Variants in AUP1 observed in about 807,000 individuals in gnomAD.
AUP1 encodes the protein lipid droplet-regulating VLDL assembly factor AUP1.
AUP1 carries 30 observed loss-of-function variants against 51.8 expected under a neutral mutation model. The ratio of observed to expected loss-of-function variants is 0.58; its 90% CI spans 0.43 to 0.79. The LOEUF (loss-of-function observed/expected upper bound fraction) is 0.79, where lower values mean the gene tolerates loss of function less well. AUP1 is among the 30% of genes least tolerant of loss of function. AUP1 has a pLI of 0.00. For synonymous variants in AUP1, 227 were observed against 209.0 expected, an observed-to-expected ratio of 1.09 and a Z score of -0.74; for missense variants, 492 against 517.1, an observed-to-expected ratio of 0.95 and a Z score of 0.47.
rs1675375096 is a variant in AUP1, at chr2:74,529,171, G to A, written c.300C>T (p.Phe100=). Residue 100 remains phenylalanine, a synonymous_variant, in exon 3 of 12, where the codon TTC becomes TTT. Transcript: ENST00000377526. ...RVLISNHVTP[F]DHNIVNLLTT... ...TAAGCAAATTGACTATGTTGTGGTC[G>A]AAAGGTGTCACATGGTTGGAAATGA... 6.2e-7 allele frequency: 1 copy of A among 1,614,194 alleles called. No homozygotes were observed. The highest frequency in any genetic ancestry group is 8.5e-7 in the Non-Finnish European group (1 of 1,180,026).
At chr2:74,527,385 GTC>G in intron 9 of AUP1, 22 bp from the exon 10 acceptor site, 1 of 1,613,434 alleles carries the variant, frequency 6.2e-7, no homozygotes, top group South Asian at 1.1e-5. Flanking sequence ...AGAGAAGGGA[GTC>G]CACTCCCTAC....
Position 74,527,304 on chromosome 2 carries a change from T to C in AUP1, c.1021A>G (p.Met341Val). Residue 341 changes from methionine (M) to valine (V), a missense_variant, in exon 10 of 12, where the codon ATG (methionine) becomes GTG (valine). By Grantham distance (21) the Met-to-Val change is conservative. Transcript: ENST00000377526. ...TNLLEGAVAF[M>V]PEDITKGTQS... is the part of the protein sequence containing the mutation. ...GTTCCCTTGGTGATGTCTTCAGGCA[T>C]GAAAGCTACGGCCCCCTCAAGCAGA... 6.2e-7 allele frequency: 1 copy of C among 1,614,134 alleles called. No individual in the cohort carries two copies. Among genetic ancestry groups the C allele is most frequent in the South Asian group, 1.1e-5 (1 of 91,076 alleles).
intron 6 of AUP1, 114 bp from the exon 7 acceptor site, chr2:74,528,120 T>C: frequency 6.7e-7 from 1 of 1,482,520 alleles, no homozygotes; most frequent in Non-Finnish European, 9.4e-7. Context: ...ATACTGTAAA[T>C]ACTTTGTGTT....
rs376362584 is a variant in AUP1 at position 74,529,354 on chromosome 2, G to A, written c.188+8C>T. The A allele has an allele frequency of 6.2e-7, 1 of 1,612,438 alleles. No individual in the cohort carries two copies. The highest frequency in any genetic ancestry group is 8.5e-7 in the Non-Finnish European group (1 of 1,179,254). On this transcript the variant is annotated splice_region_variant and intron_variant, in intron 2 of 11. Transcript: ENST00000377526. Reference sequence around the variant, plus strand: ...GCTCTGACACTCCCCGAACGCCCGCGTCGGAACCTGCGAAGGACGCTGTCT... The same window carrying A: ...GCTCTGACACTCCCCGAACGCCCGCATCGGAACCTGCGAAGGACGCTGTCT...
chr2:74,527,975 C>T lies in AUP1; in HGVS notation c.703G>A (p.Glu235Lys). The change falls in exon 7 of 12, where the codon GAA (glutamate) becomes AAA (lysine). Residue 235 changes from glutamate (E) to lysine (K), a missense_variant. By Grantham distance (56) the Glu-to-Lys change is moderately conservative. Coordinates refer to ENST00000377526, the MANE Select transcript of AUP1 (RefSeq NM_181575.5). ...CGGAGTGCAAACTCCTCATTCGCTT[C>T]CCCTAGTTGGCGATGAACAGGACGA... ...WLRPVHRQLG[E>K]ANEEFALRVQ... The T allele has an allele frequency of 6.2e-7, 1 of 1,614,236 alleles. No individual in the cohort carries two copies. The highest frequency in any genetic ancestry group is 8.5e-7 in the Non-Finnish European group (1 of 1,180,050).
At chr2:74,529,305 CTG>C (rs764140027) in intron 2 of AUP1, 23 bp from the exon 3 acceptor site, 55 of 1,613,958 alleles carry the variant, frequency 3.4e-5, no homozygotes, top group Non-Finnish European at 4.2e-5. Flanking sequence ...GAGGTGGTGA[CTG>C]TGTGGCCTCG....
Position 74,528,010 on chromosome 2 carries a change from C to T in AUP1, c.672-4G>A. The T allele has an allele frequency of 1.2e-6, 2 of 1,614,210 alleles. No homozygotes were observed. The highest frequency in any genetic ancestry group is 1.7e-6 in the Non-Finnish European group (2 of 1,180,036). On this transcript the variant is annotated splice_region_variant and splice_polypyrimidine_tract_variant and intron_variant, in intron 6 of 11. Transcript: ENST00000377526. Reference sequence around the variant, plus strand: ...GCGATGAACAGGACGAAGCCACCTGCAAAGAAACAATCCAGGGCTATGTTG... The same window carrying T: ...GCGATGAACAGGACGAAGCCACCTGTAAAGAAACAATCCAGGGCTATGTTG...
chr2:74,526,910 C>CA lies in AUP1; in HGVS notation c.1196+30dup, dbSNP rs745430489. ...CATAATTCCATTCTCCAATTTGCCA[C>CA]ATCCTATTAATTGTCCTCTAACCCC... On this transcript the variant is annotated intron_variant, in intron 11 of 11. Transcript: ENST00000377526. 4.3e-6 allele frequency: 7 copies of CA among 1,609,650 alleles called. No individual in the cohort carries two copies. In the East Asian group the frequency reaches 1.6e-4, roughly 36 times the overall value.
chr2:74,529,561 T>G lies in AUP1; in HGVS notation c.50+19A>C. 1 of 1,555,396 alleles carries G rather than the reference T, an allele frequency of 6.4e-7. No individual in the cohort carries two copies. Among genetic ancestry groups the G allele is most frequent in the South Asian group, 1.2e-5 (1 of 84,836 alleles). ...CCGAGAGCACGCGGGGATCGGTCTC[T>G]TCCCGCCGGGTCTCTTACCGGTGCG... On this transcript the variant is annotated intron_variant, in intron 1 of 11. Coordinates refer to ENST00000377526, the MANE Select transcript of AUP1 (RefSeq NM_181575.5).
At position 74,529,418 on chromosome 2, in the gene AUP1, A is replaced by G; in HGVS notation, c.132T>C (p.Phe44=). 1.3e-6 allele frequency: 2 copies of G among 1,592,920 alleles called. No individual in the cohort carries two copies. The highest frequency in any genetic ancestry group is 1.3e-5 in the African/African-American group (1 of 74,692). ...VGFCLLVLRL[F]LGIHVFLVSC... ...TGACCAGGAAGACGTGGATCCCGAGAAAGAGGCGCAGGACGAGGAGGCAGA... is the reference window on the plus strand; with the variant it reads ...TGACCAGGAAGACGTGGATCCCGAGGAAGAGGCGCAGGACGAGGAGGCAGA... The change falls in exon 2 of 12, where the codon TTT becomes TTC. Residue 44 remains phenylalanine, a synonymous_variant. Coordinates refer to ENST00000377526, the MANE Select transcript of AUP1 (RefSeq NM_181575.5).
rs373432217 is a variant in AUP1 at position 74,528,816 on chromosome 2, G to A, written c.459C>T (p.Pro153=). The A allele has an allele frequency of 7.4e-6, 12 of 1,614,010 alleles. No homozygotes were observed. The highest frequency in any genetic ancestry group is 1.3e-5 in the African/African-American group (1 of 75,014). ...KRFCASTRLP[P]TPLLLFPEEE... Reference sequence around the variant, plus strand: ...CCTCAGGGAATAGCAGCAGAGGAGTGGGGGGAAGCCTCGTGGAAGCACAGA... The same window carrying A: ...CCTCAGGGAATAGCAGCAGAGGAGTAGGGGGAAGCCTCGTGGAAGCACAGA... The change falls in exon 4 of 12, where the codon CCC becomes CCT. Residue 153 remains proline, a synonymous_variant. Coordinates refer to ENST00000377526, the MANE Select transcript of AUP1 (RefSeq NM_181575.5).
At chr2:74,527,083 G>A (rs1170262440) in intron 10 of AUP1, 24 bp from the exon 11 acceptor site, 2 of 1,614,140 alleles carry the variant, frequency 1.2e-6, no homozygotes, top group East Asian at 4.5e-5. Flanking sequence ...AATGTCAGAG[G>A]GCTTGCGGAG....
chr2:74,526,731 T>C lies in AUP1; in HGVS notation c.*69A>G. ...TTTACCACCCACCCATCCAGCCTGTTGTGAGTTGGGTGAGGGCTGCCCCCA... is the reference window on the plus strand; with the variant it reads ...TTTACCACCCACCCATCCAGCCTGTCGTGAGTTGGGTGAGGGCTGCCCCCA... On this transcript the variant is annotated 3_prime_UTR_variant, in exon 12 of 12. Coordinates refer to ENST00000377526, the MANE Select transcript of AUP1 (RefSeq NM_181575.5). The C allele has an allele frequency of 1.3e-6, 2 of 1,481,844 alleles. No individual in the cohort carries two copies. Among genetic ancestry groups the C allele is most frequent in the Non-Finnish European group, 1.8e-6 (2 of 1,105,152 alleles). 91.8% of individuals were successfully genotyped at this position (1,481,844 alleles called of 1,614,324 possible).
intron 4 of AUP1, 24 bp from the exon 5 acceptor site, chr2:74,528,513 G>C (rs1175919143): frequency 1.9e-6 from 3 of 1,596,306 alleles, no homozygotes; most frequent in East Asian, 4.5e-5. Context: ...GAGAAAGTAG[G>C]ATGGGAATCC....
chr2:74,528,451 A>G lies in AUP1; in HGVS notation c.563T>C (p.Leu188Pro). 6.2e-7 allele frequency: 1 copy of G among 1,613,876 alleles called. No individual in the cohort carries two copies. Among genetic ancestry groups the G allele is most frequent in the Non-Finnish European group, 8.5e-7 (1 of 1,179,912 alleles). Residue 188 changes from leucine to proline, a missense_variant, in exon 5 of 12, where the codon CTT (leucine) becomes CCT (proline). Physicochemically the swap from Leu to Pro is moderately conservative, Grantham distance 98 (BLOSUM62 -3). Transcript: ENST00000377526. ...CAGGGGTCTCTGAACTTGCAGGGTA[A>G]GAGGTTGTACCACATCTTGGATAGA... ...PFSIQDVVQP[L>P]TLQVQRPLVS...
Position 74,528,452 on chromosome 2 carries a change from G to A in AUP1, c.562C>T (p.Leu188Phe). The A allele has an allele frequency of 6.2e-7, 1 of 1,613,856 alleles. No homozygotes were observed. Among genetic ancestry groups the A allele is most frequent in the Non-Finnish European group, 8.5e-7 (1 of 1,179,908 alleles). Residue 188 changes from leucine (L) to phenylalanine (F), a missense_variant, in exon 5 of 12, where the codon CTT becomes TTT. By Grantham distance (22) the Leu-to-Phe change is conservative. Coordinates refer to ENST00000377526, the MANE Select transcript of AUP1 (RefSeq NM_181575.5). ...PFSIQDVVQP[L>F]TLQVQRPLVS... ...AGGGGTCTCTGAACTTGCAGGGTAA[G>A]AGGTTGTACCACATCTTGGATAGAA...
chr2:74,528,113 C>G, intron 6 of AUP1, 107 bp from the exon 7 acceptor site: 1 of 1,491,370 alleles, frequency 6.7e-7, no homozygotes, highest in Non-Finnish European at 9.3e-7. Context: ...ATAGTAAATA[C>G]TGTAAATACT....
chr2:74,528,274 G>A lies in AUP1; in HGVS notation c.645C>T (p.Phe215=). 1.9e-6 allele frequency: 3 copies of A among 1,614,154 alleles called. No individual in the cohort carries two copies. Among genetic ancestry groups the A allele is most frequent in the Non-Finnish European group, 8.5e-7 (1 of 1,180,024 alleles). ...SWVSELLWSL[F]VPFTVYQVRW... ...TTACTTGATACACCGTGAAAGGGAC[G>A]AAAAGTGACCACAGCAGTTCTGAGA... The change falls in exon 6 of 12, where the codon TTC becomes TTT. Residue 215 remains phenylalanine, a synonymous_variant. Transcript: ENST00000377526.
intron 3 of AUP1, 43 bp downstream of exon 3, chr2:74,529,089 C>T (rs758110745): frequency 2.5e-6 from 4 of 1,614,094 alleles, no homozygotes; most frequent in South Asian, 1.1e-5. Context: ...AGCTGGGCCC[C>T]AGGGAACCGC....
Sources: allele counts gnomAD v4.1 joint callset, GRCh38; gene constraint gnomAD v4.1.1; transcripts MANE v1.5; gene names NCBI Gene and HGNC (gene_info 2026-07-23, HGNC 2026-07-21).